The following CPLANE1 variants were observed in gnomAD, a reference collection of about 807,000 sequenced individuals.
CPLANE1 encodes ciliogenesis and planar polarity effector complex subunit 1, also known as ciliogenesis and planar polarity effector 1.
A neutral mutation model predicts 362.5 loss-of-function variants in CPLANE1; 263 were observed. The observed-to-expected ratio is 0.73, with a 90% CI of 0.66 to 0.80. The LOEUF is 0.80. CPLANE1 is among the 30% of genes least tolerant of loss of function. The pLI, the probability that CPLANE1 is intolerant of heterozygous loss-of-function variation, is 0.00. For missense variants in CPLANE1, 3,461 were observed against 3,793.4 expected, an observed-to-expected ratio of 0.91 and a Z score of 2.30; for synonymous variants, 1,212 against 1,302.6, an observed-to-expected ratio of 0.93 and a Z score of 1.50.
At position 37,221,458 on chromosome 5, in the gene CPLANE1, C is replaced by T. The variant is rs1157919882; in HGVS notation, c.2612G>A (p.Arg871His). The change falls in exon 15 of 53, where the codon CGC (arginine) becomes CAC (histidine). Residue 871 changes from arginine to histidine, a missense_variant. This residue lies in a region of CPLANE1 where 3,380 missense variants were observed against 3,666.1 expected (regional missense o/e 0.92). Transcript: ENST00000651892. ...GCAGTATAAGAGAGAAAGATAATAG[C>T]GTATCTGAAGAAAATACGTCCTTCT... ...GGRRTYFLQIRYYLSLLYCHL... is the reference protein window; with the variant it reads ...GGRRTYFLQIHYYLSLLYCHL... The T allele has an allele frequency of 1.0e-5, 15 of 1,506,798 alleles. No homozygotes were observed. Among genetic ancestry groups the T allele is most frequent in the African/African-American group, 2.9e-5 (2 of 69,944 alleles). The allele number at this position is 1,506,798 out of a possible 1,614,324, so 93.3% of individuals were successfully genotyped here.
chr5:37,209,150 G>A lies in CPLANE1; in HGVS notation c.2921-2725C>T, dbSNP rs1791848968. On this transcript the variant is annotated intron_variant, in intron 16 of 52. Coordinates refer to ENST00000651892, the MANE Select transcript of CPLANE1 (RefSeq NM_001384732.1). The surrounding 1 kb of genome is among the most constrained non-coding windows in gnomAD (Gnocchi z 4.6). ...GTCCTCACTCATTCCTCAGAACCGCGAAGAAAGGAAGCTAGCGTGTTTGTT... is the reference window on the plus strand; with the variant it reads ...GTCCTCACTCATTCCTCAGAACCGCAAAGAAAGGAAGCTAGCGTGTTTGTT... Among the ~76,000 whole-genome samples the A allele has an allele frequency of 3.9e-5, 6 of 152,170 alleles. No individual in the cohort carries two copies. Among genetic ancestry groups the A allele is most frequent in the African/African-American group, 2.4e-5 (1 of 41,440 alleles).
At chr5:37,240,642 C>T (rs1800181880) in intron 6 of CPLANE1, among the ~76,000 whole-genome samples, 1 of 152,154 alleles carries the variant, frequency 6.6e-6, no homozygotes, top group South Asian at 2.1e-4. Flanking sequence ...TTGACCCAGA[C>T]ATCTCCAACC....
rs540827114 is a variant in CPLANE1, at chr5:37,106,469, T to C, written c.*1133A>G. ...CCCATAAAAATGTACAACTATCATG[T>C]ATCAATAAAATACCCATAGAATATA... On this transcript the variant is annotated 3_prime_UTR_variant, in exon 53 of 53. Coordinates refer to ENST00000651892, the MANE Select transcript of CPLANE1 (RefSeq NM_001384732.1). 2 of 352,088 alleles carry C rather than the reference T, an allele frequency of 5.7e-6. No homozygotes were observed. Among genetic ancestry groups the C allele is most frequent in the African/African-American group, 4.4e-5 (2 of 45,556 alleles). The allele number at this position is 352,088 out of a possible 1,614,324, so 21.8% of individuals were successfully genotyped here. A position where few individuals can be genotyped will look rare whatever the true frequency, so the allele number is the denominator to read the frequency against.
intron 5 of CPLANE1, among the ~76,000 whole-genome samples, chr5:37,244,034 G>C (rs1025628906): frequency 3.3e-5 from 5 of 151,694 alleles, no homozygotes; most frequent in African/African-American, 2.4e-5. Flanking sequence ...AGTTTTAGCA[G>C]AGACGGGGTT....
At chr5:37,216,450 G>A (rs370130735) in intron 15 of CPLANE1, among the ~76,000 whole-genome samples, 1 of 152,332 alleles carries the variant, frequency 6.6e-6, no homozygotes, top group South Asian at 2.1e-4. Context: ...TCAGGAGGCT[G>A]AGGCAGGAGG....
chr5:37,234,822 A>T (rs1798581217), intron 8 of CPLANE1, among the ~76,000 whole-genome samples: 1 of 152,184 alleles, frequency 6.6e-6, no homozygotes, highest in Non-Finnish European at 1.5e-5. Context: ...CACCTATAAA[A>T]GAAACTCATC....
At chr5:37,137,443 G>A (rs1414589150) in intron 46 of CPLANE1, among the ~76,000 whole-genome samples, 1 of 152,112 alleles carries the variant, frequency 6.6e-6, no homozygotes, top group Admixed American at 6.5e-5. Context: ...TCCAACCTCT[G>A]CCTGTTACCC....
chr5:37,136,570 G>A (rs1262172785), intron 46 of CPLANE1, among the ~76,000 whole-genome samples: 1 of 152,210 alleles, frequency 6.6e-6, no homozygotes, highest in Non-Finnish European at 1.5e-5. Flanking sequence ...CCCCAGAAGG[G>A]AATTTGTGTG....
chr5:37,146,920 G>T (rs1771802729), intron 43 of CPLANE1, among the ~76,000 whole-genome samples: 1 of 151,992 alleles, frequency 6.6e-6, no homozygotes, highest in Admixed American at 6.6e-5. Flanking sequence ...GGATTATTAG[G>T]GATAAAGAGG....
chr5:37,210,183 C>T (rs1792194871), intron 16 of CPLANE1: 1 of 1,375,390 alleles, frequency 7.3e-7, no homozygotes, highest in South Asian at 1.2e-5. Context: ...AATTCAAAAG[C>T]ACCAAGAGAT....
At chr5:37,120,516 G>A (rs534703236) in intron 49 of CPLANE1, among the ~76,000 whole-genome samples, 176 bp from the exon 50 acceptor site, 2 of 151,992 alleles carry the variant, frequency 1.3e-5, no homozygotes, top group Admixed American at 1.3e-4. Flanking sequence ...GCTGTGGTGT[G>A]CCATGATTGC....
At chr5:37,125,122 T>G in intron 47 of CPLANE1, 122 bp downstream of exon 47, 1 of 1,396,798 alleles carries the variant, frequency 7.2e-7, no homozygotes, top group South Asian at 1.5e-5. Context: ...GTAAAACATT[T>G]ACTTTTCTAT....
Position 37,170,251 on chromosome 5 carries a change from T to C in CPLANE1, c.6252A>G (p.Val2084=). 1 of 1,614,214 alleles carries C rather than the reference T, an allele frequency of 6.2e-7. No individual in the cohort carries two copies. The change falls in exon 33 of 53, where the codon GTA becomes GTG. Residue 2084 remains valine (V), a synonymous_variant. Coordinates refer to ENST00000651892, the MANE Select transcript of CPLANE1 (RefSeq NM_001384732.1). ...FANLPDTQQL[V]QQSQSVHLGE... is the part of the protein sequence containing the mutation. ...CTAAATGCACAGACTGAGACTGCTG[T>C]ACAAGTTGTTGTGTATCTGGGAGAT...
chr5:37,174,018 A>C, intron 31 of CPLANE1, 71 bp from the exon 32 acceptor site: 1 of 1,285,260 alleles, frequency 7.8e-7, no homozygotes, highest in Non-Finnish European at 1.1e-6. Flanking sequence ...GTCTATGATC[A>C]GAATATTTTG....
chr5:37,100,526 T>C, the CPLANE1 span, among the ~76,000 whole-genome samples: 2 of 152,262 alleles, frequency 1.3e-5, no homozygotes, highest in Non-Finnish European at 2.9e-5. Flanking sequence ...GTAGTATACT[T>C]TGAAGTCAGG....
At chr5:37,090,607 C>T in the CPLANE1 span, among the ~76,000 whole-genome samples, 2 of 152,266 alleles carry the variant, frequency 1.3e-5, no homozygotes, top group Middle Eastern at 6.8e-3. Context: ...AAATAGTTCA[C>T]TCCCCCATAC....
intron 49 of CPLANE1, 63 bp downstream of exon 49, chr5:37,121,554 C>A: frequency 6.7e-7 from 1 of 1,483,166 alleles, no homozygotes; most frequent in Non-Finnish European, 9.4e-7. Flanking sequence ...CACGAAAGTG[C>A]TACATTTCTT....
downstream of CPLANE1, among the ~76,000 whole-genome samples, chr5:37,102,968 G>C (rs1255580606): frequency 6.6e-6 from 1 of 152,130 alleles, no homozygotes; most frequent in Non-Finnish European, 1.5e-5. Flanking sequence ...CTGTCTTGAT[G>C]ATCTAATATT....
intron 46 of CPLANE1, among the ~76,000 whole-genome samples, chr5:37,129,016 G>T (rs1765030413): frequency 1.3e-5 from 2 of 152,056 alleles, no homozygotes; most frequent in Non-Finnish European, 2.9e-5. Flanking sequence ...ATACTATAAG[G>T]CCATAGTCAC....
Sources: allele counts gnomAD v4.1 joint callset (sites outside exome capture counted in the v4.1 genomes callset), GRCh38; gene constraint gnomAD v4.1.1; regional missense constraint gnomAD v4.1.1; non-coding constraint Gnocchi (gnomAD v3.1); transcripts MANE v1.5; gene names NCBI Gene and HGNC (gene_info 2026-07-23, HGNC 2026-07-21).